INPP4B: variants seen among roughly 807,000 people sequenced by gnomAD.
The protein encoded by INPP4B is inositol polyphosphate 4-phosphatase type II.
A neutral mutation model predicts 122.5 loss-of-function variants in INPP4B; 55 were observed. The ratio of observed to expected loss-of-function variants is 0.45; its 90% confidence interval spans 0.36 to 0.56. The LOEUF is 0.56. INPP4B is among the 20% of genes least tolerant of loss of function. The probability of loss-of-function intolerance (pLI) is 0.00; values close to 1 mark genes in which losing one functional copy is unlikely to be tolerated. For synonymous variants in INPP4B, 403 were observed against 388.7 expected (o/e 1.04, Z -0.43); for missense variants, 1,000 against 1,097.7 (o/e 0.91, Z 1.26).
chr4:142,338,599 T>A (rs1777649906), intron 7 of INPP4B, among the ~76,000 whole-genome samples: 1 of 152,198 alleles, frequency 6.6e-6, no homozygotes, highest in African/African-American at 2.4e-5. Flanking sequence ...TAAGCCCAAC[T>A]AATGGGTGAG....
chr4:142,362,855 G>T (rs1358282624), intron 7 of INPP4B, among the ~76,000 whole-genome samples: 1 of 151,990 alleles, frequency 6.6e-6, no homozygotes, highest in African/African-American at 2.4e-5. Context: ...GGAGGGAGAA[G>T]GGCAAGGGCT....
At chr4:142,102,493 T>A (rs1244049606) in intron 23 of INPP4B, among the ~76,000 whole-genome samples, 1 of 142,968 alleles carries the variant, frequency 7.0e-6, no homozygotes, top group Non-Finnish European at 1.5e-5. Context: ...AAGCTTTTCC[T>A]CTGAAGCAAC....
chr4:142,391,331 G>T (rs1050987515), intron 7 of INPP4B, among the ~76,000 whole-genome samples: 1 of 152,208 alleles, frequency 6.6e-6, no homozygotes, highest in African/African-American at 2.4e-5. Context: ...GCCGAGGCGG[G>T]TGGATCATCT....
chr4:142,067,269 T>C (rs928406747), intron 25 of INPP4B, among the ~76,000 whole-genome samples: 22 of 152,124 alleles, frequency 1.4e-4, no homozygotes, highest in Admixed American at 1.4e-3. Context: ...GTCCTGACTG[T>C]TAGAAGGAAA....
chr4:142,532,747 TTAAAG>T (rs1827768344), intron 2 of INPP4B, among the ~76,000 whole-genome samples: 1 of 152,160 alleles, frequency 6.6e-6, no homozygotes, highest in Non-Finnish European at 1.5e-5. Flanking sequence ...GACAAAATAC[TTAAAG>T]TAAAAACTAT....
intron 7 of INPP4B, among the ~76,000 whole-genome samples, chr4:142,388,279 G>A (rs1397553120): frequency 6.6e-6 from 1 of 152,180 alleles, no homozygotes; most frequent in Non-Finnish European, 1.5e-5. Flanking sequence ...TTAAAGGAGT[G>A]CTATGGTTAA....
chr4:142,136,366 A>G (rs927321661), intron 18 of INPP4B, among the ~76,000 whole-genome samples: 2 of 152,220 alleles, frequency 1.3e-5, no homozygotes, highest in Admixed American at 6.5e-5. Flanking sequence ...ACAAAACACA[A>G]ATGCAAAGAT....
chr4:142,070,085 G>A (rs1578795925), intron 25 of INPP4B, among the ~76,000 whole-genome samples: 1 of 152,152 alleles, frequency 6.6e-6, no homozygotes, highest in South Asian at 2.1e-4. Context: ...CAAAAATCCT[G>A]AATAAAATAC....
chr4:142,696,774 G>C (rs972041351), intron 2 of INPP4B, among the ~76,000 whole-genome samples: 3 of 152,138 alleles, frequency 2.0e-5, no homozygotes, highest in Non-Finnish European at 4.4e-5. Context: ...CAGTAAGAGG[G>C]CAAATTGGAT....
At position 142,082,112 on chromosome 4, in the gene INPP4B, G is replaced by A; in HGVS notation, c.2561C>T (p.Thr854Ile). 6.5e-7 allele frequency: 1 copy of A among 1,527,648 alleles called. No homozygotes were observed. The highest frequency in any genetic ancestry group is 1.7e-5 in the Admixed American group (1 of 59,416). 94.6% of individuals were successfully genotyped at this position (1,527,648 alleles called of 1,614,324 possible). The part of the protein sequence containing the change: ...SAKDRTSMSV[T>I]LEQCSILRDE... Reference sequence around the variant, plus strand: ...TCTCAAGATTGAGCATTGTTCAAGTGTCACTGACATCGATGTCCTGTCTTT... The same window carrying A: ...TCTCAAGATTGAGCATTGTTCAAGTATCACTGACATCGATGTCCTGTCTTT... The change falls in exon 25 of 26, where the codon ACA becomes ATA. Residue 854 changes from threonine (T) to isoleucine (I), a missense_variant. Thr to Ile is a moderately conservative substitution (Grantham distance 89). Transcript: ENST00000262992.
chr4:142,703,902 G>A (rs1036133780), intron 2 of INPP4B, among the ~76,000 whole-genome samples: 5 of 152,192 alleles, frequency 3.3e-5, no homozygotes, highest in Non-Finnish European at 7.3e-5. Flanking sequence ...ACCCCAGTAT[G>A]AGAACATTAC....
intron 2 of INPP4B, among the ~76,000 whole-genome samples, chr4:142,670,547 C>CA (rs1383607747): frequency 3.3e-5 from 5 of 150,812 alleles, no homozygotes; most frequent in African/African-American, 7.3e-5. Context: ...AAGTCAGGCA[C>CA]AAAAAAAACT....
intron 7 of INPP4B, among the ~76,000 whole-genome samples, chr4:142,350,580 C>A (rs1455623685): frequency 6.6e-6 from 1 of 151,908 alleles, no homozygotes; most frequent in Non-Finnish European, 1.5e-5. Flanking sequence ...TATTCATAAA[C>A]CATTGAGCCT....
intron 1 of INPP4B, among the ~76,000 whole-genome samples, chr4:142,753,852 T>A (rs886719102): frequency 1.3e-5 from 2 of 152,086 alleles, no homozygotes; most frequent in African/African-American, 4.8e-5. Flanking sequence ...CTAGTATACT[T>A]ATTACATGTA....
intron 2 of INPP4B, among the ~76,000 whole-genome samples, chr4:142,715,468 A>T (rs1763643375): frequency 6.6e-6 from 1 of 152,228 alleles, no homozygotes; most frequent in South Asian, 2.1e-4. Context: ...CAGCTTTTTA[A>T]TAGGGGGCAT....
rs555579693 is a variant in INPP4B at position 142,636,157 on chromosome 4, G to A, written c.-191+89682C>T. On this transcript the variant is annotated intron_variant, in intron 2 of 25. Transcript: ENST00000262992. ...CACCCATTCTGCCTCCTGCTGCCCT[G>A]TGAAGAGGTGACTTCTGCCATGATT... Among the ~76,000 whole-genome samples the A allele has an allele frequency of 9.2e-5, 14 of 152,220 alleles. No individual in the cohort carries two copies. The South Asian group carries it at 2.3e-3, about 25-fold the overall frequency.
At position 142,305,447 on chromosome 4, in the gene INPP4B, A is replaced by C; in HGVS notation, c.503+11T>G. The C allele has an allele frequency of 6.2e-7, 1 of 1,600,264 alleles. No homozygotes were observed. Among genetic ancestry groups the C allele is most frequent in the Non-Finnish European group, 8.5e-7 (1 of 1,170,736 alleles). The stretch of plus-strand genomic sequence containing the variant: ...AACTTTAACAGTATTTCTACAAACA[A>C]AGAGACCCACCTCAGGCTCAGGACC... On this transcript the variant is annotated intron_variant, in intron 9 of 25. Transcript: ENST00000262992.
chr4:142,783,265 T>C (rs1775180392), intron 1 of INPP4B, among the ~76,000 whole-genome samples: 1 of 152,038 alleles, frequency 6.6e-6, no homozygotes. Context: ...AATATACTCA[T>C]CTGACAAAGG....
At chr4:142,604,940 G>C (rs1005551772) in intron 2 of INPP4B, among the ~76,000 whole-genome samples, 1 of 152,122 alleles carries the variant, frequency 6.6e-6, no homozygotes, top group African/African-American at 2.4e-5. Context: ...AACAAAGCTG[G>C]AGGCATCACA....
Sources: gnomAD v4.1 joint callset for allele counts (sites outside exome capture counted in the v4.1 genomes callset) on GRCh38, gnomAD v4.1.1 for gene constraint, MANE v1.5 for transcripts, NCBI Gene and HGNC (gene_info 2026-07-23, HGNC 2026-07-21) for gene names.